The following RBM19 variants were observed in gnomAD, a reference collection of about 807,000 sequenced individuals.
RBM19 encodes RNA binding motif protein 19, also known as probable RNA-binding protein 19.
Under a neutral mutation model 116.8 loss-of-function variants are expected in RBM19, and 94 were observed. That is an observed-to-expected ratio of 0.80 (90% CI 0.68 to 0.95). The LOEUF is 0.95. RBM19 is among the 40% of genes least tolerant of loss of function. The pLI is 0.00. For synonymous variants in RBM19, 475 were observed against 494.1 expected (o/e 0.96, Z 0.51); for missense variants, 1,161 against 1,220.7 (o/e 0.95, Z 0.73).
intron 21 of RBM19, among the ~76,000 whole-genome samples, chr12:113,877,297 C>G (rs185222553): frequency 2.0e-5 from 3 of 152,090 alleles, no homozygotes; most frequent in Non-Finnish European, 4.4e-5. Flanking sequence ...CAGTACATTG[C>G]GGGGGGGTCC....
At chr12:113,839,701 G>T (rs1876295711) in intron 23 of RBM19, among the ~76,000 whole-genome samples, 1 of 152,178 alleles carries the variant, frequency 6.6e-6, no homozygotes, top group Non-Finnish European at 1.5e-5. Flanking sequence ...TGCTACTATG[G>T]CTTTTGTTAC....
intron 16 of RBM19, among the ~76,000 whole-genome samples, chr12:113,928,990 A>G (rs1374994935): frequency 2.6e-5 from 4 of 151,990 alleles, no homozygotes; most frequent in African/African-American, 4.8e-5. Context: ...CTCACCCTCA[A>G]TGTTTCTAAG....
intron 1 of RBM19, among the ~76,000 whole-genome samples, chr12:113,965,624 T>C (rs1484848260): frequency 1.3e-5 from 2 of 152,214 alleles, no homozygotes; most frequent in East Asian, 3.8e-4. Context: ...TCACCTATTT[T>C]GCCTACCACG....
At position 113,957,791 on chromosome 12, in the gene RBM19, G is replaced by C; in HGVS notation, c.831C>G (p.Ala277=). The C allele has an allele frequency of 1.9e-6, 3 of 1,593,562 alleles. No individual in the cohort carries two copies. The highest frequency in any genetic ancestry group is 2.6e-6 in the Non-Finnish European group (3 of 1,168,710). The change falls in exon 6 of 24, where the codon GCC becomes GCG. Residue 277 remains alanine (A), a synonymous_variant. Coordinates refer to ENST00000261741, the MANE Select transcript of RBM19 (RefSeq NM_016196.4). ...MPAGKKRPPE[A]RAETEKPANQ... is the part of the protein sequence containing the mutation. ...CGGGATACACACGCACCTCGGCTCT[G>C]GCCTCCGGTGGTCTCTTTTTCCCAG...
intron 21 of RBM19, among the ~76,000 whole-genome samples, chr12:113,911,054 TG>T (rs11309991): frequency 0.67 from 101,572 of 151,726 alleles, 34,810 homozygotes; most frequent in East Asian, 0.98. Context: ...GGGGTGGCGG[TG>T]GGGGGGGTGG....
chr12:113,913,901 C>T (rs1362093483), intron 21 of RBM19, among the ~76,000 whole-genome samples: 1 of 152,238 alleles, frequency 6.6e-6, no homozygotes, highest in East Asian at 1.9e-4. Flanking sequence ...AAGCTGACTT[C>T]ATCTGCCTTT....
chr12:113,896,153 G>GC (rs2135816445), intron 21 of RBM19, among the ~76,000 whole-genome samples: 1 of 152,270 alleles, frequency 6.6e-6, no homozygotes, highest in South Asian at 2.1e-4. Flanking sequence ...CAGCTAAAGG[G>GC]CACCCCAATC....
At chr12:113,925,339 A>C (rs1868971825) in intron 17 of RBM19, among the ~76,000 whole-genome samples, 1 of 152,210 alleles carries the variant, frequency 6.6e-6, no homozygotes, top group African/African-American at 2.4e-5. Context: ...TGAGAAACAA[A>C]CACTACGAGC....
intron 21 of RBM19, among the ~76,000 whole-genome samples, chr12:113,908,829 G>A (rs1452687412): frequency 3.3e-5 from 5 of 152,300 alleles, no homozygotes; most frequent in African/African-American, 1.2e-4. Context: ...TACCAGGATT[G>A]TATTGAGACA....
At chr12:113,922,472 C>T (rs976460095) in intron 18 of RBM19, among the ~76,000 whole-genome samples, 1 of 152,186 alleles carries the variant, frequency 6.6e-6, no homozygotes, top group Non-Finnish European at 1.5e-5. Context: ...CTAAAACATG[C>T]TGAAGAGTGC....
intron 16 of RBM19, among the ~76,000 whole-genome samples, chr12:113,934,584 G>C (rs11066825): frequency 0.16 from 24,242 of 152,156 alleles, 2,562 homozygotes; most frequent in African/African-American, 0.3. Flanking sequence ...GGTGAATGGG[G>C]TCTCGGCATG....
rs1021229949 is a variant in RBM19, at chr12:113,906,427, C to T, written c.2558+8542G>A. Among the ~76,000 whole-genome samples the T allele has an allele frequency of 7.9e-5, 12 of 151,970 alleles. 1 individual carries two copies. The highest frequency in any genetic ancestry group is 5.8e-4 in the East Asian group (3 of 5,198). ...ACAGGCAACACTAATATATGTTTTT[C>T]GAAGTTAAGAGAGTGGCTGCTCTTG... On this transcript the variant is annotated intron_variant, in intron 21 of 23. Coordinates refer to ENST00000261741, the MANE Select transcript of RBM19 (RefSeq NM_016196.4).
rs374570886 is a variant in RBM19, at chr12:113,959,227, C to T, written c.556G>A (p.Gly186Arg). Residue 186 changes from glycine to arginine, a missense_variant, in exon 5 of 24, where the codon GGG (glycine) becomes AGG (arginine). Physicochemically the swap from Gly to Arg is moderately radical, Grantham distance 125. Transcript: ENST00000261741. ...ATGCCCTCACCTTCCAGGTCCTCCC[C>T]GGCTCCCTCCTCCTCACTCTCCTGC... Reference protein sequence around the residue: ...SGQESEEEGAGEDLEEEASLE... With the variant: ...SGQESEEEGAREDLEEEASLE... 5.0e-5 allele frequency: 81 copies of T among 1,611,306 alleles called. No individual in the cohort carries two copies. Among genetic ancestry groups the T allele is most frequent in the Non-Finnish European group, 6.2e-5 (73 of 1,178,980 alleles).
chr12:113,874,230 C>T (rs1251124109), intron 21 of RBM19, among the ~76,000 whole-genome samples: 1 of 152,244 alleles, frequency 6.6e-6, no homozygotes, highest in Non-Finnish European at 1.5e-5. Context: ...CCAACAGCAC[C>T]TGGCACACAG....
At chr12:113,861,570 A>AAGAGAG (rs893174284) in intron 21 of RBM19, among the ~76,000 whole-genome samples, 1 of 137,096 alleles carries the variant, frequency 7.3e-6, no homozygotes, top group Non-Finnish European at 1.6e-5. Context: ...GAAGGAGAGA[A>AAGAGAG]AGAGAGAGAG....
At chr12:113,859,341 C>T (rs147618636) in intron 21 of RBM19, among the ~76,000 whole-genome samples, 1 of 152,200 alleles carries the variant, frequency 6.6e-6, no homozygotes, top group Non-Finnish European at 1.5e-5. Flanking sequence ...TTCCAAACTG[C>T]CTGTATGTCT....
At chr12:113,831,825 C>T (rs767553323) in intron 23 of RBM19, among the ~76,000 whole-genome samples, 25 of 152,170 alleles carry the variant, frequency 1.6e-4, no homozygotes, top group Non-Finnish European at 2.9e-4. Flanking sequence ...GAGGCTCAGG[C>T]GTGGGGAGTG....
At chr12:113,844,932 G>A (rs1165696882) in intron 22 of RBM19, 144 bp from the exon 23 acceptor site, 8 of 1,218,496 alleles carry the variant, frequency 6.6e-6, no homozygotes, top group Non-Finnish European at 8.8e-6. Flanking sequence ...GCGAGGGTTT[G>A]GGGAGCGGTT....
intron 21 of RBM19, among the ~76,000 whole-genome samples, chr12:113,901,073 A>G (rs947746693): frequency 6.6e-6 from 1 of 152,190 alleles, no homozygotes; most frequent in African/African-American, 2.4e-5. Context: ...AAGATCCCCA[A>G]ACAGTGTTTC....
Sources: gnomAD v4.1 joint callset for allele counts (sites outside exome capture counted in the v4.1 genomes callset) on GRCh38, gnomAD v4.1.1 for gene constraint, MANE v1.5 for transcripts, NCBI Gene and HGNC (gene_info 2026-07-23, HGNC 2026-07-21) for gene names.